OXR1: variants seen among roughly 807,000 people sequenced by gnomAD.
OXR1 encodes oxidation resistance protein 1.
Under a neutral mutation model 104.6 loss-of-function variants are expected in OXR1, and 41 were observed. The observed-to-expected ratio is 0.39, with a 90% CI of 0.31 to 0.51. The LOEUF (loss-of-function observed/expected upper bound fraction) is 0.51, where lower values mean the gene tolerates loss of function less well. Ranked by LOEUF, OXR1 falls within the 20% of genes least tolerant of loss-of-function variation. The probability of loss-of-function intolerance (pLI) is 0.77; values close to 1 mark genes in which losing one functional copy is unlikely to be tolerated. For missense variants in OXR1, 955 were observed against 1,031.9 expected, an observed-to-expected ratio of 0.93 and a Z score of 1.02; for synonymous variants, 348 against 348.4, an observed-to-expected ratio of 1.00 and a Z score of 0.01.
chr8:106,500,809 T>C (rs1458202702), intron 2 of OXR1, among the ~76,000 whole-genome samples: 1 of 152,234 alleles, frequency 6.6e-6, no homozygotes, highest in African/African-American at 2.4e-5. Flanking sequence ...TGCAACAAAA[T>C]TGCTATATCA....
rs546742897 is a variant in OXR1 at position 106,455,348 on chromosome 8, T to A, written c.24-63595T>A. Among the ~76,000 whole-genome samples the A allele has an allele frequency of 2.6e-5, 4 of 152,290 alleles. No homozygotes were observed. In the South Asian group the frequency reaches 8.3e-4, roughly 32 times the overall value. On this transcript the variant is annotated intron_variant, in intron 2 of 16. Transcript: ENST00000517566. ...TAAATGACAATTTATATCTTCACAATTTTTACACTAAAATCATCCCAGAGA... is the reference window on the plus strand; with the variant it reads ...TAAATGACAATTTATATCTTCACAAATTTTACACTAAAATCATCCCAGAGA...
intron 3 of OXR1, chr8:106,580,989 A>G: frequency 9.7e-7 from 1 of 1,025,846 alleles, no homozygotes; most frequent in Non-Finnish European, 1.2e-6. Context: ...TGTGGCTACC[A>G]CTGTCTTACC....
At chr8:106,449,997 G>A (rs1820226057) in intron 2 of OXR1, among the ~76,000 whole-genome samples, 1 of 152,126 alleles carries the variant, frequency 6.6e-6, no homozygotes, top group African/African-American at 2.4e-5. Flanking sequence ...GATATTTCAT[G>A]AAGTCATATA....
At chr8:106,647,168 A>C (rs1563666590) in intron 3 of OXR1, among the ~76,000 whole-genome samples, 1 of 152,200 alleles carries the variant, frequency 6.6e-6, no homozygotes, top group Non-Finnish European at 1.5e-5. Flanking sequence ...TTTTCTGATG[A>C]GTGAAGGAGT....
At chr8:106,674,114 C>G (rs191717642) in intron 3 of OXR1, among the ~76,000 whole-genome samples, 1 of 152,294 alleles carries the variant, frequency 6.6e-6, no homozygotes, top group African/African-American at 2.4e-5. Flanking sequence ...AATCCACTGA[C>G]AGCTTGCACT....
At chr8:106,744,245 A>G (rs1248377297) in intron 15 of OXR1, among the ~76,000 whole-genome samples, 1 of 152,220 alleles carries the variant, frequency 6.6e-6, no homozygotes, top group East Asian at 1.9e-4. Flanking sequence ...GGCATAAATG[A>G]AAAAACCATG....
intron 2 of OXR1, among the ~76,000 whole-genome samples, chr8:106,445,111 C>T (rs1447590278): frequency 2.0e-5 from 3 of 152,258 alleles, no homozygotes; most frequent in Non-Finnish European, 4.4e-5. Context: ...ACTGCTAAAG[C>T]ACTCCTGATA....
At chr8:106,308,377 G>A (rs1184509797) in intron 1 of OXR1, among the ~76,000 whole-genome samples, 1 of 152,086 alleles carries the variant, frequency 6.6e-6, no homozygotes, top group Non-Finnish European at 1.5e-5. Flanking sequence ...TCAATCTGCC[G>A]ATTCAAATGT....
chr8:106,705,654 G>T (rs561667879), intron 8 of OXR1, among the ~76,000 whole-genome samples: 18 of 152,026 alleles, frequency 1.2e-4, no homozygotes, highest in African/African-American at 3.9e-4. Context: ...TGGTATAGAG[G>T]TTTACACTCC....
At chr8:106,676,423 G>T (rs1410084475) in intron 3 of OXR1, among the ~76,000 whole-genome samples, 2 of 152,218 alleles carry the variant, frequency 1.3e-5, no homozygotes, top group East Asian at 3.9e-4. Flanking sequence ...ACTTCATTGT[G>T]TTTTTGTAGT....
intron 3 of OXR1, among the ~76,000 whole-genome samples, chr8:106,639,701 G>C (rs1337330524): frequency 6.6e-6 from 1 of 152,148 alleles, no homozygotes; most frequent in Non-Finnish European, 1.5e-5. Flanking sequence ...ATCATGATAT[G>C]ATAGTTTAGG....
intron 1 of OXR1, among the ~76,000 whole-genome samples, chr8:106,294,395 CAAA>C (rs1200997871): frequency 1.4e-5 from 1 of 70,376 alleles, no homozygotes; most frequent in Non-Finnish European, 2.6e-5. Flanking sequence ...GACTCTGTCT[CAAA>C]AAAAAAAAAA....
intron 3 of OXR1, among the ~76,000 whole-genome samples, chr8:106,572,079 C>T (rs924800764): frequency 4.6e-5 from 7 of 152,206 alleles, no homozygotes; most frequent in Non-Finnish European, 7.3e-5. Flanking sequence ...TAAGAAACAA[C>T]TCTTCCCCCT....
At chr8:106,684,796 A>C (rs986782779) in intron 6 of OXR1, among the ~76,000 whole-genome samples, 3 of 152,172 alleles carry the variant, frequency 2.0e-5, no homozygotes, top group African/African-American at 7.2e-5. Flanking sequence ...TAGTCATCCA[A>C]GAATTGACAT....
intron 1 of OXR1, among the ~76,000 whole-genome samples, chr8:106,315,218 C>T (rs1404132893): frequency 6.6e-6 from 1 of 151,720 alleles, no homozygotes; most frequent in Admixed American, 6.6e-5. Flanking sequence ...GCCTGAATTT[C>T]CTTCAATTTA....
chr8:106,683,389 T>C, intron 5 of OXR1, 83 bp downstream of exon 5: 1 of 577,674 alleles, frequency 1.7e-6, no homozygotes. Context: ...TAGTTAATAA[T>C]ATAGAAAATT....
At chr8:106,687,567 A>G (rs889566772) in intron 6 of OXR1, among the ~76,000 whole-genome samples, 10 of 152,130 alleles carry the variant, frequency 6.6e-5, no homozygotes, top group Non-Finnish European at 1.5e-4. Flanking sequence ...TAAAAATACA[A>G]AAATTAGCCG....
intron 3 of OXR1, among the ~76,000 whole-genome samples, chr8:106,674,009 T>C (rs1462807100): frequency 2.6e-5 from 4 of 152,200 alleles, no homozygotes; most frequent in African/African-American, 9.6e-5. Flanking sequence ...AGAAGTGAAA[T>C]GTGGGGTCAG....
intron 3 of OXR1, among the ~76,000 whole-genome samples, chr8:106,674,893 C>T (rs1827407128): frequency 6.6e-6 from 1 of 152,140 alleles, no homozygotes; most frequent in African/African-American, 2.4e-5. Context: ...CCTCCCCAGC[C>T]ATGTGGAACT....
Sources: gnomAD v4.1 joint callset for allele counts (sites outside exome capture counted in the v4.1 genomes callset) on GRCh38, gnomAD v4.1.1 for gene constraint, MANE v1.5 for transcripts, NCBI Gene and HGNC (gene_info 2026-07-23, HGNC 2026-07-21) for gene names.